Variants in RNF144A observed in about 807,000 individuals in gnomAD.
The protein encoded by RNF144A is ring finger protein 144A, also known as E3 ubiquitin-protein ligase RNF144A.
In RNF144A, 11 loss-of-function variants were observed where a neutral mutation model predicts 38.7. The ratio of observed to expected loss-of-function variants is 0.28; its 90% CI spans 0.18 to 0.47. The LOEUF (loss-of-function observed/expected upper bound fraction) is 0.47, where lower values mean the gene tolerates loss of function less well. Among genes scored for constraint, RNF144A ranks in the 20% least tolerant of loss-of-function variants. The pLI is 0.99. For synonymous variants in RNF144A, 149 were observed against 143.9 expected (o/e 1.04, Z -0.25); for missense variants, 316 against 377.2 (o/e 0.84, Z 1.34).
At chr2:7,055,731 A>G (rs1219527294) in intron 6 of RNF144A, among the ~76,000 whole-genome samples, 1 of 152,198 alleles carries the variant, frequency 6.6e-6, no homozygotes, top group African/African-American at 2.4e-5. Flanking sequence ...ATTCATGCCT[A>G]TGATTCTAAG....
At chr2:7,020,351 G>T in intron 5 of RNF144A, 122 bp from the exon 6 acceptor site, 1 of 805,344 alleles carries the variant, frequency 1.2e-6, no homozygotes, top group Non-Finnish European at 2.0e-6. Context: ...TGGGGCTGGT[G>T]GTGCTGGCTG....
In RNF144A at chr2:6,988,639, C is replaced by T. The variant is rs368251283; in HGVS notation, c.-11-8277C>T. Among the ~76,000 whole-genome samples the T allele has an allele frequency of 5.7e-4, 87 of 152,236 alleles. 3 individuals carry two copies. The highest frequency in any genetic ancestry group is 2.0e-3 in the African/African-American group (81 of 41,538). On this transcript the variant is annotated intron_variant, in intron 2 of 8. Coordinates refer to ENST00000320892, the MANE Select transcript of RNF144A (RefSeq NM_014746.6). ...ACACCATCCATGTGTACAGTCACCCCGATGCCGTCGGGGTCACCTCATTGA... is the reference window on the plus strand; with the variant it reads ...ACACCATCCATGTGTACAGTCACCCTGATGCCGTCGGGGTCACCTCATTGA...
intron 1 of RNF144A, among the ~76,000 whole-genome samples, chr2:6,931,693 T>C (rs1484227292): frequency 1.3e-5 from 2 of 152,270 alleles, no homozygotes; most frequent in Admixed American, 6.5e-5. Context: ...GCTCTTGTGT[T>C]ATCTAGAGGT....
chr2:7,047,898 G>A (rs1002738190), downstream of RNF144A, among the ~76,000 whole-genome samples: 2 of 152,144 alleles, frequency 1.3e-5, no homozygotes, highest in East Asian at 3.8e-4. Flanking sequence ...AGGATAAGTG[G>A]CTGGTGAAGC....
At chr2:7,014,415 G>A in intron 3 of RNF144A, 39 bp from the exon 4 acceptor site, 8 of 1,354,600 alleles carry the variant, frequency 5.9e-6, no homozygotes, top group Non-Finnish European at 8.5e-6. Flanking sequence ...CATTAAGGAG[G>A]TAAAGATGTT....
intron 2 of RNF144A, among the ~76,000 whole-genome samples, chr2:6,990,857 T>A (rs1669322958): frequency 6.6e-6 from 1 of 152,194 alleles, no homozygotes; most frequent in South Asian, 2.1e-4. Flanking sequence ...TTCCTCTCCA[T>A]GATCCCTGGC....
At chr2:7,044,649 C>T (rs1199468700), downstream of RNF144A, among the ~76,000 whole-genome samples, 4 of 152,224 alleles carry the variant, frequency 2.6e-5, no homozygotes, top group African/African-American at 7.2e-5. Context: ...AATATGGATC[C>T]TTCTCATTTC....
At chr2:7,027,055 C>G (rs1050221334) in intron 7 of RNF144A, among the ~76,000 whole-genome samples, 2 of 152,192 alleles carry the variant, frequency 1.3e-5, no homozygotes, top group Non-Finnish European at 2.9e-5. Context: ...CTGAATCCAG[C>G]CAAGAGCACT....
Position 6,917,994 on chromosome 2 carries a change from G to C in RNF144A, c.-212+372G>C, listed in dbSNP as rs1424202633. Among the ~76,000 whole-genome samples the C allele has an allele frequency of 6.6e-6, 1 of 151,710 alleles. No homozygotes were observed. The highest frequency in any genetic ancestry group is 2.4e-5 in the African/African-American group (1 of 41,360). On this transcript the variant is annotated intron_variant, in intron 1 of 8. Transcript: ENST00000320892. The surrounding 1 kb of genome is among the most constrained non-coding windows in gnomAD (Gnocchi z 4.8). ...TCTGCGCTGCGGCGCGGGACAGGGCGCCCCGGGCCAGGGTCCCGCGGGCGA... is the reference window on the plus strand; with the variant it reads ...TCTGCGCTGCGGCGCGGGACAGGGCCCCCCGGGCCAGGGTCCCGCGGGCGA...
At chr2:6,935,706 G>T (rs1173057627) in intron 1 of RNF144A, among the ~76,000 whole-genome samples, 2 of 149,606 alleles carry the variant, frequency 1.3e-5, no homozygotes, top group African/African-American at 4.9e-5. Context: ...AGATGGGATG[G>T]CCTCTCACCT....
intron 3 of RNF144A, among the ~76,000 whole-genome samples, chr2:7,005,460 G>C (rs1286284825): frequency 6.6e-6 from 1 of 152,202 alleles, no homozygotes; most frequent in Non-Finnish European, 1.5e-5. Context: ...GGAGAAGGCT[G>C]ACTTGGAGGG....
At chr2:7,002,782 G>A (rs1045146148) in intron 3 of RNF144A, among the ~76,000 whole-genome samples, 1 of 152,242 alleles carries the variant, frequency 6.6e-6, no homozygotes, top group East Asian at 1.9e-4. Context: ...AATAAGAGAG[G>A]TGTGGAACAG....
chr2:6,974,743 T>G (rs1668202034), intron 2 of RNF144A, among the ~76,000 whole-genome samples: 1 of 152,196 alleles, frequency 6.6e-6, no homozygotes, highest in Non-Finnish European at 1.5e-5. Flanking sequence ...TTTTTGACAA[T>G]AAAATACATT....
intron 2 of RNF144A, among the ~76,000 whole-genome samples, chr2:6,968,550 C>G (rs73914444): frequency 0.026 from 3,908 of 152,350 alleles, 147 homozygotes; most frequent in African/African-American, 0.089. Context: ...CCTATGCCTG[C>G]TGGCCCATCG....
Position 6,997,049 on chromosome 2 carries a change from C to G in RNF144A, c.123C>G (p.Ile41Met). ...CAACCATAGCCCAGTGCCAATGCAT[C>G]TTCTGTACTCTGGTTGGTCTTTTTG... ...QMTTIAQCQC[I>M]FCTLCLKQYV... Residue 41 changes from isoleucine (I) to methionine (M), a missense_variant, in exon 3 of 9, where the codon ATC (isoleucine) becomes ATG (methionine). By Grantham distance (10) the Ile-to-Met change is conservative. Coordinates refer to ENST00000320892, the MANE Select transcript of RNF144A (RefSeq NM_014746.6). The G allele has an allele frequency of 6.2e-7, 1 of 1,614,126 alleles. No individual in the cohort carries two copies. The highest frequency in any genetic ancestry group is 8.5e-7 in the Non-Finnish European group (1 of 1,179,944).
At chr2:7,045,857 T>G (rs1004017973), downstream of RNF144A, among the ~76,000 whole-genome samples, 1 of 152,142 alleles carries the variant, frequency 6.6e-6, no homozygotes, top group Non-Finnish European at 1.5e-5. Flanking sequence ...TTCCCTACGC[T>G]GGGTTGCACA....
chr2:7,063,964 C>A (rs561326835), intron 6 of RNF144A, among the ~76,000 whole-genome samples: 2 of 152,248 alleles, frequency 1.3e-5, no homozygotes, highest in Admixed American at 6.5e-5. Flanking sequence ...AAGAGCGTGG[C>A]ACCAGCATCT....
rs572817645 is a variant in RNF144A, at chr2:7,029,537, G to A, written c.658-589G>A. Among the ~76,000 whole-genome samples the A allele has an allele frequency of 1.8e-4, 27 of 152,334 alleles. 1 individual carries two copies. Among genetic ancestry groups the A allele is most frequent in the African/African-American group, 4.1e-4 (17 of 41,572 alleles). On this transcript the variant is annotated intron_variant, in intron 7 of 8. Transcript: ENST00000320892. ...AAGATGCAGACAGAAAGTGCTCCCC[G>A]GGCTGGATCTTGAATCATGAGGAAA... is the stretch of plus-strand genomic sequence containing the variant.
At chr2:7,057,804 A>G (rs1454241392) in intron 6 of RNF144A, among the ~76,000 whole-genome samples, 1 of 152,174 alleles carries the variant, frequency 6.6e-6, no homozygotes, top group African/African-American at 2.4e-5. Flanking sequence ...AAATTGAAAA[A>G]AATCTTGGTA....
Sources: allele counts gnomAD v4.1 joint callset (sites outside exome capture counted in the v4.1 genomes callset), GRCh38; gene constraint gnomAD v4.1.1; non-coding constraint Gnocchi (gnomAD v3.1); transcripts MANE v1.5; gene names NCBI Gene and HGNC (gene_info 2026-07-23, HGNC 2026-07-21).